Variants in GATA4 observed in about 807,000 individuals in gnomAD.
GATA4 encodes GATA binding protein 4, also known as transcription factor GATA-4.
Under a neutral mutation model 37.9 loss-of-function variants are expected in GATA4, and 7 were observed. The observed-to-expected ratio is 0.18, with a 90% CI of 0.11 to 0.35. The LOEUF (loss-of-function observed/expected upper bound fraction) is 0.35. Among genes scored for constraint, GATA4 ranks in the 10% least tolerant of loss-of-function variants. The pLI is 1.00. For synonymous variants in GATA4, 372 were observed against 292.6 expected (o/e 1.27, Z -2.77); for missense variants, 647 against 653.0 (o/e 0.99, Z 0.10).
At chr8:11,754,985 C>T (rs1585698374) in intron 4 of GATA4, 61 bp from the exon 5 acceptor site, 1 of 1,344,890 alleles carries the variant, frequency 7.4e-7, no homozygotes. Flanking sequence ...GTGTGTCTTT[C>T]AATGCTGTAG....
At chr8:11,752,408 T>A (rs1204944909) in intron 4 of GATA4, among the ~76,000 whole-genome samples, 1 of 152,064 alleles carries the variant, frequency 6.6e-6, no homozygotes, top group Non-Finnish European at 1.5e-5. Flanking sequence ...AAGGCACGTC[T>A]TACATGGCAG....
chr8:11,742,724 G>C (rs11785912), intron 2 of GATA4, among the ~76,000 whole-genome samples: 34,587 of 152,264 alleles, frequency 0.23, 5,177 homozygotes, highest in Non-Finnish European at 0.34. Context: ...AGAAGACCCA[G>C]GGCTCAAGAG....
intron 2 of GATA4, among the ~76,000 whole-genome samples, chr8:11,742,396 TC>T (rs770610767): frequency 6.9e-6 from 1 of 145,374 alleles, no homozygotes; most frequent in African/African-American, 2.5e-5. Flanking sequence ...TTTTTTTTTT[TC>T]CTTTCCCTTT....
intron 2 of GATA4, among the ~76,000 whole-genome samples, chr8:11,725,999 T>G (rs757668360): frequency 2.4e-4 from 36 of 152,194 alleles, no homozygotes; most frequent in Non-Finnish European, 4.4e-4. Context: ...GCTGTCCTTT[T>G]ATTTGGATTA....
chr8:11,743,503 G>A (rs904665777), intron 2 of GATA4, among the ~76,000 whole-genome samples: 3 of 152,230 alleles, frequency 2.0e-5, no homozygotes, highest in Non-Finnish European at 2.9e-5. Flanking sequence ...CCGATGGGGC[G>A]GCAGCAGTGG....
At chr8:11,693,186 CTGGGCGCGG>C (rs1440000898) in intron 1 of GATA4, 4 of 730,768 alleles carry the variant, frequency 5.5e-6, no homozygotes, top group Non-Finnish European at 6.7e-6. Flanking sequence ...ATTCGGCAAG[CTGGGCGCGG>C]TGGCGCATAT....
intron 1 of GATA4, among the ~76,000 whole-genome samples, chr8:11,687,489 G>GT (rs1388507201): frequency 5.3e-5 from 8 of 152,198 alleles, no homozygotes; most frequent in Non-Finnish European, 1.2e-4. Flanking sequence ...GCCCTCATCT[G>GT]TGAGTTGGGG....
intron 1 of GATA4, chr8:11,680,568 C>A (rs1233068677): frequency 1.0e-6 from 1 of 985,236 alleles, no homozygotes; most frequent in East Asian, 1.1e-4. Context: ...GCTGGTGGGC[C>A]AGGAAGCCCA....
chr8:11,750,016 C>A (rs1802220813), intron 3 of GATA4, 95 bp from the exon 4 acceptor site: 4 of 1,584,114 alleles, frequency 2.5e-6, no homozygotes, highest in East Asian at 4.5e-5. Flanking sequence ...GCCCTGCCTC[C>A]CGTTAGGGAG....
At position 11,759,816 on chromosome 8, in the gene GATA4, A is replaced by G. The variant is rs1164449725; in HGVS notation, c.*1341A>G. ...CCACACGCCCAGACCCCTCACTCCA[A>G]AATCCTACTGGCTGTAGCAGAGAAT... On this transcript the variant is annotated 3_prime_UTR_variant, in exon 7 of 7. Coordinates refer to ENST00000532059, the MANE Select transcript of GATA4 (RefSeq NM_001308093.3). The G allele has an allele frequency of 6.6e-6, 1 of 152,340 alleles. No individual in the cohort carries two copies. The highest frequency in any genetic ancestry group is 1.5e-5 in the Non-Finnish European group (1 of 68,042). The allele number at this position is 152,340 out of a possible 1,614,324, so 9.4% of individuals were successfully genotyped here. A position where few individuals can be genotyped will look rare whatever the true frequency, so the allele number is the denominator to read the frequency against.
At position 11,749,369 on chromosome 8, in the gene GATA4, T is replaced by C. The variant is rs1417906491; in HGVS notation, c.786+284T>C. 6.6e-6 allele frequency among the ~76,000 whole-genome samples: 1 copy of C among 152,110 alleles called. No individual in the cohort carries two copies. The highest frequency in any genetic ancestry group is 1.9e-4 in the East Asian group (1 of 5,190). Reference sequence around the variant, plus strand: ...AGGTACTGAGTCTCCCATCTAGAACTCTGGAACCAGAATCCAGGTTTCCTG... The same window carrying C: ...AGGTACTGAGTCTCCCATCTAGAACCCTGGAACCAGAATCCAGGTTTCCTG... On this transcript the variant is annotated intron_variant, in intron 3 of 6. Coordinates refer to ENST00000532059, the MANE Select transcript of GATA4 (RefSeq NM_001308093.3). This position sits in a 1 kb window ranked among gnomAD's most constrained non-coding sequence, Gnocchi z 4.6.
At chr8:11,748,725 C>T (rs1802147936) in intron 2 of GATA4, among the ~76,000 whole-genome samples, 191 bp from the exon 3 acceptor site, 1 of 152,130 alleles carries the variant, frequency 6.6e-6, no homozygotes, top group African/African-American at 2.4e-5. Flanking sequence ...CTCAGGGGAA[C>T]TCTCAGTGTC....
chr8:11,694,520 G>A (rs1475689650), intron 1 of GATA4: 2 of 985,236 alleles, frequency 2.0e-6, no homozygotes, highest in Non-Finnish European at 2.4e-6. Flanking sequence ...CCACCTTTTG[G>A]TTCCTCTGCT....
intron 5 of GATA4, 142 bp from the exon 6 acceptor site, chr8:11,756,793 C>T (rs1585702430): frequency 9.1e-6 from 10 of 1,098,302 alleles, no homozygotes; most frequent in East Asian, 4.7e-5. Context: ...TGTAGCCCTC[C>T]GCAGATAAGG....
intron 1 of GATA4, among the ~76,000 whole-genome samples, chr8:11,679,978 A>C (rs1308798903): frequency 6.6e-6 from 1 of 152,244 alleles, no homozygotes; most frequent in Non-Finnish European, 1.5e-5. Context: ...CACTCCCCGC[A>C]TGATGAGAAG....
At chr8:11,686,510 T>G (rs979187375) in intron 1 of GATA4, among the ~76,000 whole-genome samples, 6 of 152,188 alleles carry the variant, frequency 3.9e-5, no homozygotes, top group Admixed American at 2.6e-4. Context: ...TTCTGAAGAC[T>G]GGAGGCAGCT....
intron 2 of GATA4, among the ~76,000 whole-genome samples, chr8:11,723,460 C>G (rs531449226): frequency 6.6e-6 from 1 of 152,190 alleles, no homozygotes; most frequent in Non-Finnish European, 1.5e-5. Context: ...TTAAACTGAG[C>G]TCTTTTGACA....
chr8:11,692,981 C>CCAT (rs1449140828), intron 1 of GATA4: 62 of 985,264 alleles, frequency 6.3e-5, no homozygotes, highest in Non-Finnish European at 1.6e-5. Context: ...CCGCGGCCAT[C>CCAT]CATCACCCGG....
intron 2 of GATA4, among the ~76,000 whole-genome samples, chr8:11,719,956 CA>C (rs1208527821): frequency 6.6e-6 from 1 of 152,114 alleles, no homozygotes; most frequent in African/African-American, 2.4e-5. Context: ...GAGGTGCCCC[CA>C]GGACGTGTGA....
Sources: allele counts gnomAD v4.1 joint callset (sites outside exome capture counted in the v4.1 genomes callset), GRCh38; gene constraint gnomAD v4.1.1; non-coding constraint Gnocchi (gnomAD v3.1); transcripts MANE v1.5; gene names NCBI Gene and HGNC (gene_info 2026-07-23, HGNC 2026-07-21).